Variants in TRIO observed in about 807,000 individuals in gnomAD.
TRIO encodes trio Rho guanine nucleotide exchange factor, also known as triple functional domain protein.
A neutral mutation model predicts 351.9 loss-of-function variants in TRIO; 58 were observed. That is an observed-to-expected ratio of 0.16 (90% CI 0.13 to 0.21). The LOEUF (loss-of-function observed/expected upper bound fraction) is 0.21. Among genes scored for constraint, TRIO ranks in the 10% least tolerant of loss-of-function variants. The pLI is 1.00. For missense variants in TRIO, 3,201 were observed against 4,027.8 expected (o/e 0.79, Z 5.56); for synonymous variants, 1,758 against 1,595.7 (o/e 1.10, Z -2.42).
chr5:14,343,070 A>AT, intron 11 of TRIO, among the ~76,000 whole-genome samples: 1 of 144,604 alleles, frequency 6.9e-6, no homozygotes, highest in Admixed American at 7.3e-5. Flanking sequence ...TGAAGTAATT[A>AT]TAGAATCACA....
Position 14,419,913 on chromosome 5 carries a change from C to T in TRIO, c.5095C>T (p.Arg1699Trp), listed in dbSNP as rs753673776. Reference protein sequence around the residue: ...PHDKPDWCLVRTTDRSPAAEG... With the variant: ...PHDKPDWCLVWTTDRSPAAEG... ...TGACAAGCCTGACTGGTGTCTGGTG[C>T]GGACAACTGACCGCTCCCCAGCGGC... Residue 1699 changes from arginine to tryptophan, a missense_variant, in exon 34 of 57, where the codon CGG (arginine) becomes TGG (tryptophan). This residue lies in a region of TRIO where 193 missense variants were observed against 218.8 expected (regional missense o/e 0.88). Coordinates refer to ENST00000344204, the MANE Select transcript of TRIO (RefSeq NM_007118.4). 10 of 1,614,162 alleles carry T rather than the reference C, an allele frequency of 6.2e-6. No homozygotes were observed. The highest frequency in any genetic ancestry group is 8.5e-6 in the Non-Finnish European group (10 of 1,180,012).
chr5:14,185,019 A>C (rs1267398325), intron 1 of TRIO, among the ~76,000 whole-genome samples: 1 of 151,976 alleles, frequency 6.6e-6, no homozygotes, highest in Non-Finnish European at 1.5e-5. Flanking sequence ...GTCGTCCATG[A>C]CTCATGGACA....
At chr5:14,196,574 A>G (rs1235515177) in intron 1 of TRIO, among the ~76,000 whole-genome samples, 1 of 152,170 alleles carries the variant, frequency 6.6e-6, no homozygotes, top group Admixed American at 6.5e-5. Flanking sequence ...CTGTCACTAA[A>G]TACTGATCCC....
chr5:14,410,792 C>T (rs1579576435), intron 33 of TRIO, among the ~76,000 whole-genome samples: 2 of 152,160 alleles, frequency 1.3e-5, no homozygotes, highest in African/African-American at 2.4e-5. Context: ...ACCCTGGAGA[C>T]GCCCTCTTTC....
In TRIO at chr5:14,509,179, C is replaced by A; in HGVS notation, c.*757C>A. 1 of 255,288 alleles carries A rather than the reference C, an allele frequency of 3.9e-6. No individual in the cohort carries two copies. The highest frequency in any genetic ancestry group is 3.6e-5 in the South Asian group (1 of 28,144). 15.8% of individuals were successfully genotyped at this position (255,288 alleles called of 1,614,324 possible). A position where few individuals can be genotyped will look rare whatever the true frequency, so the allele number is the denominator to read the frequency against. The stretch of plus-strand genomic sequence containing the variant: ...CCCCTCCCCCTGTTCCTGCCCCAAG[C>A]CGTCAATCAGATTGTGGAGCAGTAC... On this transcript the variant is annotated 3_prime_UTR_variant, in exon 57 of 57. Coordinates refer to ENST00000344204, the MANE Select transcript of TRIO (RefSeq NM_007118.4).
chr5:14,364,442 G>T (rs1744421990), intron 14 of TRIO, among the ~76,000 whole-genome samples: 1 of 152,222 alleles, frequency 6.6e-6, no homozygotes. Context: ...ATCAGTGTGG[G>T]AGTAGAAATG....
intron 13 of TRIO, among the ~76,000 whole-genome samples, chr5:14,361,273 C>A (rs1399523036): frequency 2.6e-5 from 4 of 152,062 alleles, no homozygotes; most frequent in Non-Finnish European, 5.9e-5. Context: ...GAAAGTACTT[C>A]CGCTTTCATT....
chr5:14,476,791 CAAAA>C, intron 40 of TRIO, 99 bp from the exon 41 acceptor site: 1 of 834,334 alleles, frequency 1.2e-6, no homozygotes, highest in Non-Finnish European at 1.7e-6. Flanking sequence ...GACACTCTCT[CAAAA>C]AAAAAAAAGA....
intron 8 of TRIO, 97 bp downstream of exon 8, chr5:14,304,689 A>C: frequency 7.1e-7 from 1 of 1,398,636 alleles, no homozygotes; most frequent in Non-Finnish European, 9.7e-7. Context: ...TAGCCCAGAA[A>C]AAGTTTATAG....
At chr5:14,195,671 A>G (rs73057518) in intron 1 of TRIO, among the ~76,000 whole-genome samples, 8,895 of 152,290 alleles carry the variant, frequency 0.058, 852 homozygotes, top group African/African-American at 0.2. Flanking sequence ...TTTGTAGTTT[A>G]AGTCCTACTG....
intron 1 of TRIO, among the ~76,000 whole-genome samples, chr5:14,211,998 G>A (rs920477365): frequency 6.6e-6 from 1 of 151,744 alleles, no homozygotes; most frequent in Admixed American, 6.6e-5. Context: ...AAAAAACCAG[G>A]CATGGTGGCA....
intron 34 of TRIO, among the ~76,000 whole-genome samples, chr5:14,449,518 G>T (rs1399261775): frequency 6.6e-6 from 1 of 152,074 alleles, no homozygotes; most frequent in South Asian, 2.1e-4. Context: ...CTTGTTGCTC[G>T]GCTGCTGGTC....
intron 1 of TRIO, 57 bp downstream of exon 1, chr5:14,143,939 C>G (rs1787330467): frequency 2.9e-6 from 3 of 1,029,672 alleles, no homozygotes; most frequent in Non-Finnish European, 3.5e-6. Context: ...CTCGGCCGAC[C>G]CGCCGCGGAG....
At position 14,508,107 on chromosome 5, in the gene TRIO, G is replaced by A. The variant is rs772698139; in HGVS notation, c.8979G>A (p.Leu2993=). The change falls in exon 57 of 57, where the codon CTG becomes CTA. Residue 2993 remains leucine, a synonymous_variant. Transcript: ENST00000344204. Reference sequence around the variant, plus strand: ...TTCTTAGTGGCGTGTCCCCCTTCCTGGATGACAGTGTGGAAGAGACCTGCC... The same window carrying A: ...TTCTTAGTGGCGTGTCCCCCTTCCTAGATGACAGTGTGGAAGAGACCTGCC... The part of the protein sequence containing the change: ...YVLLSGVSPF[L]DDSVEETCLN... 3.7e-6 allele frequency: 6 copies of A among 1,614,090 alleles called. No homozygotes were observed. The highest frequency in any genetic ancestry group is 4.2e-6 in the Non-Finnish European group (5 of 1,180,044).
At chr5:14,378,689 A>G (rs577972886) in intron 20 of TRIO, among the ~76,000 whole-genome samples, 87 of 151,886 alleles carry the variant, frequency 5.7e-4, no homozygotes, top group Non-Finnish European at 9.6e-4. Flanking sequence ...CCTCCCAAGT[A>G]GCTGTGATTA....
chr5:14,468,196 C>T (rs1189197388), intron 37 of TRIO, among the ~76,000 whole-genome samples: 1 of 152,212 alleles, frequency 6.6e-6, no homozygotes, highest in African/African-American at 2.4e-5. Flanking sequence ...CTGTGTTAAT[C>T]TCCTTTTTCA....
rs187655332 is a variant in TRIO at position 14,206,950 on chromosome 5, C to T, written c.157+63068C>T. On this transcript the variant is annotated intron_variant, in intron 1 of 56. Coordinates refer to ENST00000344204, the MANE Select transcript of TRIO (RefSeq NM_007118.4). Reference sequence around the variant, plus strand: ...TGCAGTTTTATCACTAGTTTTTTCTCTGTCAAGGGATGTATAAAAATGGAT... The same window carrying T: ...TGCAGTTTTATCACTAGTTTTTTCTTTGTCAAGGGATGTATAAAAATGGAT... Among the ~76,000 whole-genome samples the T allele has an allele frequency of 2.2e-4, 34 of 152,158 alleles. No individual in the cohort carries two copies. The East Asian group carries it at 6.2e-3, about 28-fold the overall frequency.
chr5:14,199,294 T>A (rs935019033), intron 1 of TRIO, among the ~76,000 whole-genome samples: 2 of 151,918 alleles, frequency 1.3e-5, no homozygotes, highest in African/African-American at 2.4e-5. Flanking sequence ...GTGAGGTATT[T>A]ATATTAATGG....
chr5:14,255,215 A>C (rs576643955), intron 1 of TRIO, among the ~76,000 whole-genome samples: 108 of 152,332 alleles, frequency 7.1e-4, no homozygotes, highest in African/African-American at 2.5e-3. Flanking sequence ...CCTTTGGGAA[A>C]ACAGTTTGAT....
Sources: gnomAD v4.1 joint callset for allele counts (sites outside exome capture counted in the v4.1 genomes callset) on GRCh38, gnomAD v4.1.1 for gene constraint, gnomAD v4.1.1 regional missense constraint, MANE v1.5 for transcripts, NCBI Gene and HGNC (gene_info 2026-07-23, HGNC 2026-07-21) for gene names.